HPSE2: variants seen among roughly 807,000 people sequenced by gnomAD.
The protein encoded by HPSE2 is inactive heparanase-2.
HPSE2 carries 38 observed loss-of-function variants against 60.5 expected under a neutral mutation model. The observed-to-expected ratio is 0.63, with a 90% CI of 0.48 to 0.82. The LOEUF is 0.82. HPSE2 is among the 40% of genes least tolerant of loss of function. HPSE2 has a pLI of 0.00. For synonymous variants in HPSE2, 295 were observed against 293.2 expected, an observed-to-expected ratio of 1.01 and a Z score of -0.06; for missense variants, 713 against 740.4, an observed-to-expected ratio of 0.96 and a Z score of 0.43.
At chr10:98,620,734 G>C (rs1246420220) in intron 7 of HPSE2, 26 bp from the exon 8 acceptor site, 1 of 1,488,846 alleles carries the variant, frequency 6.7e-7, no homozygotes, top group East Asian at 2.3e-5. Context: ...AAGCAGAAGG[G>C]GATAACGAGG....
chr10:98,675,868 C>T (rs965460840), intron 6 of HPSE2, among the ~76,000 whole-genome samples: 4 of 151,768 alleles, frequency 2.6e-5, no homozygotes, highest in African/African-American at 7.3e-5. Context: ...ATATCAAGAC[C>T]CATCTCTACA....
At chr10:98,926,233 T>C (rs180722755) in intron 3 of HPSE2, among the ~76,000 whole-genome samples, 29 of 152,310 alleles carry the variant, frequency 1.9e-4, no homozygotes, top group African/African-American at 6.5e-4. Context: ...TACATCATTT[T>C]TAAGTTTTAT....
the HPSE2 span, among the ~76,000 whole-genome samples, chr10:99,251,001 C>T: frequency 5.9e-5 from 9 of 152,102 alleles, no homozygotes; most frequent in Non-Finnish European, 1.2e-4. Context: ...TAACTAAAAT[C>T]AGAGCAGAAT....
intron 2 of HPSE2, among the ~76,000 whole-genome samples, chr10:99,230,519 C>A (rs1849608692): frequency 6.6e-6 from 1 of 151,990 alleles, no homozygotes; most frequent in African/African-American, 2.4e-5. Context: ...CCTCTTAGAT[C>A]TTTTCCGTTT....
chr10:98,542,488 G>A (rs569080102), intron 9 of HPSE2, among the ~76,000 whole-genome samples: 164 of 152,210 alleles, frequency 1.1e-3, no homozygotes, highest in Middle Eastern at 3.4e-3. Flanking sequence ...GAATGACTTT[G>A]ACGAGCTGAG....
chr10:98,825,448 A>T (rs1164063093), intron 3 of HPSE2, among the ~76,000 whole-genome samples: 1 of 152,142 alleles, frequency 6.6e-6, no homozygotes, highest in African/African-American at 2.4e-5. Context: ...TGTCATTCAG[A>T]TTTCACCTTA....
At chr10:99,062,561 C>G (rs1197456936) in intron 3 of HPSE2, among the ~76,000 whole-genome samples, 2 of 151,942 alleles carry the variant, frequency 1.3e-5, no homozygotes, top group Non-Finnish European at 2.9e-5. Context: ...TCTACTGATA[C>G]AAGGCCTAAG....
chr10:98,628,637 G>T (rs576704090), intron 7 of HPSE2, among the ~76,000 whole-genome samples: 1 of 152,262 alleles, frequency 6.6e-6, no homozygotes, highest in African/African-American at 2.4e-5. Context: ...TTCAATCCTT[G>T]GGTGCATGTG....
At chr10:98,547,695 A>G (rs1346375824) in intron 9 of HPSE2, among the ~76,000 whole-genome samples, 2 of 150,060 alleles carry the variant, frequency 1.3e-5, no homozygotes, top group Non-Finnish European at 3.0e-5. Context: ...TAGGTGATAT[A>G]CCTAATGCTA....
intron 9 of HPSE2, among the ~76,000 whole-genome samples, chr10:98,501,780 C>T (rs577457682): frequency 5.9e-5 from 9 of 152,198 alleles, no homozygotes; most frequent in Non-Finnish European, 8.8e-5. Flanking sequence ...ATGATATGAT[C>T]GTTTACTTTG....
intron 9 of HPSE2, among the ~76,000 whole-genome samples, chr10:98,590,160 C>T (rs1564993119): frequency 6.6e-6 from 1 of 152,214 alleles, no homozygotes; most frequent in South Asian, 2.1e-4. Context: ...AGATAACTTT[C>T]GCCCAGGCGT....
At chr10:99,010,765 A>G (rs539206215) in intron 3 of HPSE2, among the ~76,000 whole-genome samples, 1 of 152,162 alleles carries the variant, frequency 6.6e-6, no homozygotes, top group Non-Finnish European at 1.5e-5. Flanking sequence ...ATAAAATATT[A>G]GTCAAATACT....
At chr10:99,110,391 T>G (rs902268303) in intron 3 of HPSE2, among the ~76,000 whole-genome samples, 2 of 152,332 alleles carry the variant, frequency 1.3e-5, no homozygotes, top group South Asian at 2.1e-4. Context: ...TACTATGTCC[T>G]ACTTGCCCTA....
At chr10:98,634,278 G>A (rs995546262) in intron 7 of HPSE2, among the ~76,000 whole-genome samples, 3 of 152,154 alleles carry the variant, frequency 2.0e-5, no homozygotes, top group Non-Finnish European at 4.4e-5. Context: ...CATGTATTGA[G>A]CACCTGCTAT....
At position 98,895,548 on chromosome 10, in the gene HPSE2, A is replaced by G. The variant is rs75314095; in HGVS notation, c.611-151492T>C. Among the ~76,000 whole-genome samples, 1,465 of 152,278 alleles carry G rather than the reference A, an allele frequency of 9.6e-3. 18 individuals carry two copies. The highest frequency in any genetic ancestry group is 0.033 in the African/African-American group (1,374 of 41,556). ...TTCTAAGTACTCTGATCTTCAAAAC[A>G]GTACTCTTGTCTACTCTGTCAACCA... On this transcript the variant is annotated intron_variant, in intron 3 of 11. Coordinates refer to ENST00000370552, the MANE Select transcript of HPSE2 (RefSeq NM_021828.5).
chr10:98,649,674 G>C (rs889427666), intron 6 of HPSE2, among the ~76,000 whole-genome samples: 24 of 151,914 alleles, frequency 1.6e-4, no homozygotes, highest in African/African-American at 5.8e-4. Flanking sequence ...CAAAAACCGG[G>C]GTAGATAAGT....
chr10:98,955,657 G>A (rs1056500426), intron 3 of HPSE2, among the ~76,000 whole-genome samples: 2 of 152,144 alleles, frequency 1.3e-5, no homozygotes, highest in African/African-American at 2.4e-5. Context: ...ACATGCACAT[G>A]TATGTTCACT....
At chr10:98,607,280 T>C (rs1014587669) in intron 9 of HPSE2, among the ~76,000 whole-genome samples, 9 of 152,178 alleles carry the variant, frequency 5.9e-5, no homozygotes, top group African/African-American at 2.2e-4. Context: ...AAGACTATAA[T>C]TGCTTCTTCT....
At chr10:99,234,707 G>C (rs1849780613) in intron 1 of HPSE2, among the ~76,000 whole-genome samples, 1 of 152,030 alleles carries the variant, frequency 6.6e-6, no homozygotes, top group Non-Finnish European at 1.5e-5. Flanking sequence ...CTGCTGGTGC[G>C]GAGTTCAGAT....
Sources: gnomAD v4.1 joint callset for allele counts (sites outside exome capture counted in the v4.1 genomes callset) on GRCh38, gnomAD v4.1.1 for gene constraint, MANE v1.5 for transcripts, NCBI Gene and HGNC (gene_info 2026-07-23, HGNC 2026-07-21) for gene names.